Variants in SGCZ observed in about 807,000 individuals in gnomAD.
The protein encoded by SGCZ is zeta-sarcoglycan.
A neutral mutation model predicts 41.3 loss-of-function variants in SGCZ; 40 were observed. The observed-to-expected ratio is 0.97, with a 90% CI of 0.75 to 1.26. The LOEUF (loss-of-function observed/expected upper bound fraction) is 1.26, where lower values mean the gene tolerates loss of function less well. Ranked by LOEUF, SGCZ falls within the 50% of genes most tolerant of loss-of-function variation. The pLI, the probability that SGCZ is intolerant of heterozygous loss-of-function variation, is 0.00. For synonymous variants in SGCZ, 206 were observed against 137.5 expected (o/e 1.50, Z -3.49); for missense variants, 552 against 369.8 (o/e 1.49, Z -4.04).
chr8:15,125,186 G>A (rs537998309), intron 1 of SGCZ, among the ~76,000 whole-genome samples: 5 of 152,116 alleles, frequency 3.3e-5, no homozygotes, highest in South Asian at 2.1e-4. Context: ...GGAGATGATC[G>A]AATTACAAAA....
chr8:14,445,878 G>T (rs1168852742), intron 2 of SGCZ, among the ~76,000 whole-genome samples: 1 of 152,118 alleles, frequency 6.6e-6, no homozygotes, highest in Admixed American at 6.6e-5. Flanking sequence ...CTGCCAGCTG[G>T]ATCCTGCACT....
chr8:14,136,599 G>A (rs1803206877), intron 5 of SGCZ, among the ~76,000 whole-genome samples: 1 of 152,174 alleles, frequency 6.6e-6, no homozygotes, highest in Non-Finnish European at 1.5e-5. Context: ...GGCTGGGGGA[G>A]GGGCTTCCAC....
chr8:14,976,933 G>C (rs1801497386), intron 1 of SGCZ, among the ~76,000 whole-genome samples: 1 of 152,180 alleles, frequency 6.6e-6, no homozygotes, highest in African/African-American at 2.4e-5. Flanking sequence ...GTACATTGTT[G>C]AATTTAAATT....
At chr8:15,209,810 G>C (rs1801183857) in intron 1 of SGCZ, among the ~76,000 whole-genome samples, 1 of 151,990 alleles carries the variant, frequency 6.6e-6, no homozygotes, top group Non-Finnish European at 1.5e-5. Context: ...CTCTAGCGTA[G>C]GCTGTACTTC....
At chr8:14,251,061 CTACTT>C (rs1437114794) in intron 3 of SGCZ, among the ~76,000 whole-genome samples, 1 of 152,072 alleles carries the variant, frequency 6.6e-6, no homozygotes, top group Non-Finnish European at 1.5e-5. Context: ...AACCCCGTCT[CTACTT>C]AAAGTACAAA....
intron 1 of SGCZ, among the ~76,000 whole-genome samples, chr8:15,138,101 C>A (rs1334144923): frequency 6.6e-6 from 1 of 152,178 alleles, no homozygotes; most frequent in Non-Finnish European, 1.5e-5. Context: ...GACACGGAAT[C>A]AAAGGAGATC....
At chr8:14,896,235 A>G (rs941132126) in intron 1 of SGCZ, among the ~76,000 whole-genome samples, 1 of 152,184 alleles carries the variant, frequency 6.6e-6, no homozygotes, top group Non-Finnish European at 1.5e-5. Flanking sequence ...CTGACTTTCA[A>G]GAAAGAGGAT....
intron 1 of SGCZ, among the ~76,000 whole-genome samples, chr8:14,726,038 C>T (rs1810036768): frequency 6.6e-6 from 1 of 151,780 alleles, no homozygotes; most frequent in Non-Finnish European, 1.5e-5. Flanking sequence ...GTGGGCAAAT[C>T]ATGAGGTCAG....
At chr8:14,131,965 T>C (rs1803055002) in intron 5 of SGCZ, among the ~76,000 whole-genome samples, 3 of 152,146 alleles carry the variant, frequency 2.0e-5, no homozygotes, top group Non-Finnish European at 2.9e-5. Context: ...CACTCTATGA[T>C]GTTCACATAA....
At chr8:14,253,055 ATT>A (rs2117211613) in intron 3 of SGCZ, among the ~76,000 whole-genome samples, 1 of 152,268 alleles carries the variant, frequency 6.6e-6, no homozygotes, top group East Asian at 1.9e-4. Context: ...TGAACTCATT[ATT>A]CATGAAAAAT....
chr8:14,918,311 G>C (rs1045585548), intron 1 of SGCZ, among the ~76,000 whole-genome samples: 2 of 151,992 alleles, frequency 1.3e-5, no homozygotes, highest in African/African-American at 4.8e-5. Flanking sequence ...CTAGGTCCAT[G>C]ATTTCTAAGT....
At chr8:14,606,329 C>A (rs1805747484) in intron 1 of SGCZ, among the ~76,000 whole-genome samples, 1 of 151,954 alleles carries the variant, frequency 6.6e-6, no homozygotes, top group African/African-American at 2.4e-5. Context: ...TATTTGGTTC[C>A]TAAACCTCCT....
chr8:14,478,807 T>A (rs183006058), intron 2 of SGCZ, among the ~76,000 whole-genome samples: 1 of 152,142 alleles, frequency 6.6e-6, no homozygotes, highest in African/African-American at 2.4e-5. Flanking sequence ...TTTCTCTACT[T>A]CCCATTTTCA....
chr8:14,142,999 T>TAA (rs75035278), intron 5 of SGCZ, among the ~76,000 whole-genome samples: 5,520 of 142,646 alleles, frequency 0.039, 309 homozygotes, highest in African/African-American at 0.13. Flanking sequence ...CTTTATAAAT[T>TAA]AAAAAAAAAA....
At chr8:14,221,629 T>C (rs1193152679) in intron 4 of SGCZ, among the ~76,000 whole-genome samples, 2 of 152,164 alleles carry the variant, frequency 1.3e-5, no homozygotes, top group Non-Finnish European at 2.9e-5. Context: ...TTAGTTATCA[T>C]AGTTTAGATT....
chr8:14,827,573 G>T (rs73535011), intron 1 of SGCZ, among the ~76,000 whole-genome samples: 1 of 152,064 alleles, frequency 6.6e-6, no homozygotes, highest in African/African-American at 2.4e-5. Flanking sequence ...GTCAATGTGG[G>T]AAGGAACTGC....
chr8:14,716,362 A>G (rs1563221351), intron 1 of SGCZ, among the ~76,000 whole-genome samples: 1 of 152,078 alleles, frequency 6.6e-6, no homozygotes, highest in Non-Finnish European at 1.5e-5. Context: ...GCACACACAC[A>G]CTTAAAACTG....
intron 1 of SGCZ, among the ~76,000 whole-genome samples, chr8:14,912,967 G>C (rs1413213128): frequency 6.6e-6 from 1 of 151,872 alleles, no homozygotes; most frequent in Non-Finnish European, 1.5e-5. Context: ...AATCATTCTT[G>C]TTTGGTTTTA....
intron 1 of SGCZ, among the ~76,000 whole-genome samples, chr8:14,780,203 T>C (rs1405467175): frequency 3.3e-5 from 5 of 151,658 alleles, no homozygotes; most frequent in Admixed American, 6.6e-5. Flanking sequence ...TGAAACCCCG[T>C]CCCTACTAAA....
Sources: allele counts gnomAD v4.1 joint callset (sites outside exome capture counted in the v4.1 genomes callset), GRCh38; gene constraint gnomAD v4.1.1; transcripts MANE v1.5; gene names NCBI Gene and HGNC (gene_info 2026-07-23, HGNC 2026-07-21).